The following ELMO1 variants were observed in gnomAD, a reference collection of about 807,000 sequenced individuals.
The protein encoded by ELMO1 is engulfment and cell motility protein 1.
In ELMO1, 26 loss-of-function variants were observed where a neutral mutation model predicts 98.9. The ratio of observed to expected loss-of-function variants is 0.26; its 90% CI spans 0.19 to 0.36. The LOEUF (loss-of-function observed/expected upper bound fraction) is 0.36, where lower values mean the gene tolerates loss of function less well. ELMO1 is among the 10% of genes least tolerant of loss of function. The pLI is 1.00. For missense variants in ELMO1, 627 were observed against 935.2 expected, an observed-to-expected ratio of 0.67 and a Z score of 4.30; for synonymous variants, 346 against 346.0, an observed-to-expected ratio of 1.00 and a Z score of 0.00.
chr7:37,152,036 A>G (rs1277581547), intron 13 of ELMO1, among the ~76,000 whole-genome samples: 1 of 152,212 alleles, frequency 6.6e-6, no homozygotes, highest in Non-Finnish European at 1.5e-5. Context: ...TTGATGAAGG[A>G]TGAAAGTATT....
At chr7:37,308,066 T>C (rs999255421) in intron 4 of ELMO1, among the ~76,000 whole-genome samples, 3 of 152,136 alleles carry the variant, frequency 2.0e-5, no homozygotes, top group Non-Finnish European at 4.4e-5. Context: ...TGAGCCAAGA[T>C]TGCGCCACTG....
At chr7:36,921,210 T>C (rs1785127646) in intron 16 of ELMO1, among the ~76,000 whole-genome samples, 1 of 152,170 alleles carries the variant, frequency 6.6e-6, no homozygotes, top group African/African-American at 2.4e-5. Flanking sequence ...CCGTCTAAGG[T>C]ACGCTGTGAC....
intron 4 of ELMO1, among the ~76,000 whole-genome samples, chr7:37,312,063 A>G (rs138744256): frequency 6.6e-6 from 1 of 152,236 alleles, no homozygotes; most frequent in Non-Finnish European, 1.5e-5. Context: ...ATGGCAGCAC[A>G]CAAACACATT....
chr7:36,987,699 A>C (rs372422990), intron 16 of ELMO1, among the ~76,000 whole-genome samples: 1 of 152,186 alleles, frequency 6.6e-6, no homozygotes, highest in Admixed American at 6.5e-5. Flanking sequence ...AGTCGCCCTC[A>C]GCCTCCTTTC....
chr7:37,188,507 T>TAATAAA (rs1563065698), intron 13 of ELMO1, among the ~76,000 whole-genome samples: 1 of 111,362 alleles, frequency 9.0e-6, no homozygotes, highest in Admixed American at 8.8e-5. Context: ...AAAAAAATAA[T>TAATAAA]AATAATAATA....
At chr7:37,273,989 A>C (rs1227832109) in intron 4 of ELMO1, among the ~76,000 whole-genome samples, 2 of 152,248 alleles carry the variant, frequency 1.3e-5, no homozygotes, top group African/African-American at 4.8e-5. Flanking sequence ...CACCAAGTGC[A>C]GGCAGGCCCG....
At chr7:37,194,556 T>C (rs1791848851) in intron 13 of ELMO1, among the ~76,000 whole-genome samples, 1 of 152,232 alleles carries the variant, frequency 6.6e-6, no homozygotes. Context: ...CTGCATTATT[T>C]CTTAACTTAC....
intron 19 of ELMO1, among the ~76,000 whole-genome samples, chr7:36,875,177 A>G (rs1029887561): frequency 2.0e-5 from 3 of 152,136 alleles, no homozygotes; most frequent in Non-Finnish European, 4.4e-5. Context: ...AAAGGTGGCT[A>G]TTTTGCTCCA....
chr7:37,123,523 A>T (rs891808057), intron 14 of ELMO1, among the ~76,000 whole-genome samples: 3 of 152,182 alleles, frequency 2.0e-5, no homozygotes, highest in African/African-American at 7.2e-5. Context: ...ACATAAATAA[A>T]CTAGAAAATC....
intron 16 of ELMO1, among the ~76,000 whole-genome samples, chr7:36,944,135 T>C (rs1412615894): frequency 6.6e-6 from 1 of 152,136 alleles, no homozygotes; most frequent in Admixed American, 6.5e-5. Flanking sequence ...AGATTAACTA[T>C]TCCTCATGGC....
Position 37,156,997 on chromosome 7 carries a change from G to T in ELMO1, c.1087-23763C>A, listed in dbSNP as rs181511522. Among the ~76,000 whole-genome samples the T allele has an allele frequency of 2.3e-3, 351 of 152,366 alleles. 2 individuals are homozygous for T. The highest frequency in any genetic ancestry group is 3.7e-3 in the Non-Finnish European group (249 of 68,044). ...AGCAAGTCTTCTTCATCCCTGGGAT[G>T]CAAGGCTGGTTCAACATATGCAAAT... On this transcript the variant is annotated intron_variant, in intron 13 of 21. Transcript: ENST00000310758.
At chr7:37,397,655 T>C (rs150128937) in intron 1 of ELMO1, among the ~76,000 whole-genome samples, 2,606 of 152,314 alleles carry the variant, frequency 0.017, 74 homozygotes, top group African/African-American at 0.06. Flanking sequence ...ACTGGGTATA[T>C]ACCCAAAGGA....
chr7:37,089,563 G>C (rs1783962262), intron 15 of ELMO1, among the ~76,000 whole-genome samples: 1 of 152,162 alleles, frequency 6.6e-6, no homozygotes, highest in African/African-American at 2.4e-5. Context: ...ATGCAGTGGA[G>C]CCCTAGCATC....
intron 2 of ELMO1, among the ~76,000 whole-genome samples, chr7:37,325,122 G>A (rs1799731541): frequency 6.6e-6 from 1 of 152,122 alleles, no homozygotes; most frequent in Non-Finnish European, 1.5e-5. Context: ...AAAAATGCTG[G>A]TTAAAGAAAT....
chr7:36,873,065 A>G (rs1388305759), intron 19 of ELMO1, among the ~76,000 whole-genome samples: 4 of 152,162 alleles, frequency 2.6e-5, no homozygotes, highest in Non-Finnish European at 5.9e-5. Context: ...GTGGAAGTAC[A>G]TATATATTTT....
chr7:37,008,736 C>T (rs1010601384), intron 16 of ELMO1, among the ~76,000 whole-genome samples: 1 of 152,096 alleles, frequency 6.6e-6, no homozygotes, highest in Non-Finnish European at 1.5e-5. Flanking sequence ...AATAGCAGAT[C>T]CAGGATGAAA....
chr7:37,156,906 T>G (rs1457639645), intron 13 of ELMO1, among the ~76,000 whole-genome samples: 1 of 152,072 alleles, frequency 6.6e-6, no homozygotes, highest in Non-Finnish European at 1.5e-5. Context: ...AACATCAATG[T>G]GAAAATCCTC....
intron 1 of ELMO1, among the ~76,000 whole-genome samples, chr7:37,414,934 C>T (rs1394952804): frequency 1.3e-5 from 2 of 152,156 alleles, no homozygotes; most frequent in Non-Finnish European, 2.9e-5. Flanking sequence ...ATGCACGTAG[C>T]TTGCAGTAAA....
At chr7:37,187,836 G>A (rs1791309981) in intron 13 of ELMO1, among the ~76,000 whole-genome samples, 1 of 152,130 alleles carries the variant, frequency 6.6e-6, no homozygotes, top group Non-Finnish European at 1.5e-5. Context: ...GACTGAGACA[G>A]CACAGTTTTT....
Sources: gnomAD v4.1 joint callset for allele counts (sites outside exome capture counted in the v4.1 genomes callset) on GRCh38, gnomAD v4.1.1 for gene constraint, MANE v1.5 for transcripts, NCBI Gene and HGNC (gene_info 2026-07-23, HGNC 2026-07-21) for gene names.